The following ROBO2 variants were observed in gnomAD, a reference collection of about 807,000 sequenced individuals.
ROBO2 encodes the protein roundabout guidance receptor 2, also known as roundabout homolog 2.
ROBO2 carries 53 observed loss-of-function variants against 160.8 expected under a neutral mutation model. That is an observed-to-expected ratio of 0.33 (90% CI 0.26 to 0.41). ROBO2 has a LOEUF of 0.41. Among genes scored for constraint, ROBO2 ranks in the 10% least tolerant of loss-of-function variants. The probability of loss-of-function intolerance (pLI) is 1.00; values close to 1 mark genes in which losing one functional copy is unlikely to be tolerated. For missense variants in ROBO2, 1,577 were observed against 1,722.4 expected, an observed-to-expected ratio of 0.92 and a Z score of 1.49; for synonymous variants, 664 against 611.7, an observed-to-expected ratio of 1.09 and a Z score of -1.26.
At chr3:77,607,527 C>T (rs148358466) in intron 20 of ROBO2, among the ~76,000 whole-genome samples, 52 of 152,036 alleles carry the variant, frequency 3.4e-4, no homozygotes, top group African/African-American at 1.0e-3. Context: ...AGGCACCAGA[C>T]GGGAATAAAT....
Position 76,966,560 on chromosome 3 carries a change from C to G in ROBO2, c.110-131454C>G, listed in dbSNP as rs78061914. The stretch of plus-strand genomic sequence containing the variant: ...AGATGAAGAGAAATGAGAATATGAA[C>G]GAATGTATAACTTAATGGGATGATA... On this transcript the variant is annotated intron_variant, in intron 2 of 26. Coordinates refer to the ROBO2 transcript ENST00000487694. Among the ~76,000 whole-genome samples, 101 of 152,206 alleles carry G rather than the reference C, an allele frequency of 6.6e-4. 1 individual carries two copies. The East Asian group carries it at 0.018, about 28-fold the overall frequency.
At chr3:77,446,917 A>G (rs1322489236) in intron 2 of ROBO2, among the ~76,000 whole-genome samples, 1 of 152,098 alleles carries the variant, frequency 6.6e-6, no homozygotes, top group Non-Finnish European at 1.5e-5. Flanking sequence ...CTGTTTGAGC[A>G]GAATGAATCC....
intron 2 of ROBO2, among the ~76,000 whole-genome samples, chr3:76,759,674 A>ACCTTTTGTATTTGG (rs199784369): frequency 0.02 from 3,024 of 151,690 alleles, 95 homozygotes; most frequent in African/African-American, 0.068. Context: ...GATTAAGAGG[A>ACCTTTTGTATTTGG]GTTTGTATGT....
At chr3:77,590,578 C>G (rs2094156215) in intron 17 of ROBO2, among the ~76,000 whole-genome samples, 1 of 152,064 alleles carries the variant, frequency 6.6e-6, no homozygotes, top group Non-Finnish European at 1.5e-5. Flanking sequence ...AATTCATGGA[C>G]TATTTTGTGT....
intron 2 of ROBO2, among the ~76,000 whole-genome samples, chr3:76,153,027 A>G (rs1359386856): frequency 1.3e-5 from 2 of 152,188 alleles, no homozygotes; most frequent in Non-Finnish European, 2.9e-5. Context: ...TGATAATGCA[A>G]CCTGAGTTCT....
At chr3:76,327,680 T>C (rs2107977030) in intron 2 of ROBO2, among the ~76,000 whole-genome samples, 1 of 152,306 alleles carries the variant, frequency 6.6e-6, no homozygotes, top group African/African-American at 2.4e-5. Context: ...CATTTCACAT[T>C]TTAAGAATTC....
intron 1 of ROBO2, among the ~76,000 whole-genome samples, chr3:75,919,578 T>C (rs1425816340): frequency 6.6e-6 from 1 of 152,210 alleles, no homozygotes. Context: ...AGTCCCTCTT[T>C]TTCTATTGTT....
chr3:76,989,131 G>A (rs2060533714), intron 2 of ROBO2, among the ~76,000 whole-genome samples: 1 of 151,986 alleles, frequency 6.6e-6, no homozygotes, highest in Non-Finnish European at 1.5e-5. Flanking sequence ...TTGGTAATAG[G>A]GGAAGAAACT....
At chr3:75,974,812 A>G (rs2107391256) in intron 2 of ROBO2, among the ~76,000 whole-genome samples, 1 of 151,682 alleles carries the variant, frequency 6.6e-6, no homozygotes, top group East Asian at 2.0e-4. Flanking sequence ...ATTTACTTTC[A>G]CAACTTTTTA....
chr3:76,108,217 T>C (rs993558111), intron 2 of ROBO2, among the ~76,000 whole-genome samples: 2 of 152,070 alleles, frequency 1.3e-5, no homozygotes, highest in African/African-American at 4.8e-5. Context: ...GATCTGATAG[T>C]TTGACGTTGA....
chr3:76,245,103 G>C (rs970962528), intron 2 of ROBO2, among the ~76,000 whole-genome samples: 1 of 152,160 alleles, frequency 6.6e-6, no homozygotes, highest in African/African-American at 2.4e-5. Context: ...TTTAAAATGG[G>C]AAAACAGAAT....
At chr3:76,634,278 A>T (rs898758179) in intron 2 of ROBO2, among the ~76,000 whole-genome samples, 2 of 152,160 alleles carry the variant, frequency 1.3e-5, no homozygotes, top group Admixed American at 1.3e-4. Context: ...TCTTCTTAAA[A>T]GGACATCAGG....
At chr3:76,941,229 A>G (rs548316122) in intron 2 of ROBO2, among the ~76,000 whole-genome samples, 1 of 152,252 alleles carries the variant, frequency 6.6e-6, no homozygotes, top group Non-Finnish European at 1.5e-5. Context: ...GAATTACTCC[A>G]GTAGCTGTTT....
At chr3:77,059,665 A>G (rs1254546755) in intron 1 of ROBO2, among the ~76,000 whole-genome samples, 1 of 152,176 alleles carries the variant, frequency 6.6e-6, no homozygotes. Context: ...TAGTTTCCCA[A>G]TTACAATTTT....
chr3:75,912,258 C>G (rs1946630315), intron 1 of ROBO2, among the ~76,000 whole-genome samples: 1 of 152,184 alleles, frequency 6.6e-6, no homozygotes, highest in Non-Finnish European at 1.5e-5. Context: ...TTCTCCTCCC[C>G]ATGCTTAACA....
At chr3:77,220,826 A>G (rs2085685223) in intron 2 of ROBO2, among the ~76,000 whole-genome samples, 1 of 152,102 alleles carries the variant, frequency 6.6e-6, no homozygotes, top group East Asian at 1.9e-4. Flanking sequence ...CATCTTTTTG[A>G]AAAAAAGATG....
intron 2 of ROBO2, among the ~76,000 whole-genome samples, chr3:75,979,255 TGAG>T (rs1301167051): frequency 1.3e-5 from 2 of 151,528 alleles, no homozygotes; most frequent in African/African-American, 4.8e-5. Context: ...GTGGGACTGG[TGAG>T]GGATAAAGGG....
intron 2 of ROBO2, among the ~76,000 whole-genome samples, chr3:76,710,603 A>G (rs2093272318): frequency 6.6e-6 from 1 of 152,220 alleles, no homozygotes; most frequent in Admixed American, 6.5e-5. Flanking sequence ...GTCAGAATAC[A>G]GCAGGTTGAG....
chr3:75,927,746 C>T (rs1320800113), intron 1 of ROBO2, among the ~76,000 whole-genome samples: 1 of 152,162 alleles, frequency 6.6e-6, no homozygotes, highest in African/African-American at 2.4e-5. Flanking sequence ...ATTACTTAGA[C>T]CTCTAATGAG....
Sources: gnomAD v4.1 joint callset for allele counts (sites outside exome capture counted in the v4.1 genomes callset) on GRCh38, gnomAD v4.1.1 for gene constraint, MANE v1.5 for transcripts, NCBI Gene and HGNC (gene_info 2026-07-23, HGNC 2026-07-21) for gene names.